The following PIGN variants were observed in gnomAD, a reference collection of about 807,000 sequenced individuals.
The protein encoded by PIGN is phosphatidylinositol glycan anchor biosynthesis class N.
PIGN carries 117 observed loss-of-function variants against 125.4 expected under a neutral mutation model. The ratio of observed to expected loss-of-function variants is 0.93; its 90% CI spans 0.80 to 1.09. PIGN has a LOEUF of 1.09. Ranked by LOEUF, PIGN falls within the 50% of genes least tolerant of loss-of-function variation. The probability of loss-of-function intolerance (pLI) is 0.00; values close to 1 mark genes in which losing one functional copy is unlikely to be tolerated. For synonymous variants in PIGN, 392 were observed against 377.8 expected, an observed-to-expected ratio of 1.04 and a Z score of -0.44; for missense variants, 1,075 against 1,094.9, an observed-to-expected ratio of 0.98 and a Z score of 0.26.
In PIGN at chr18:62,148,265, A is replaced by G; in HGVS notation, c.623T>C (p.Leu208Ser). The change falls in exon 8 of 31, where the codon TTA (leucine) becomes TCA (serine). Residue 208 changes from leucine to serine, a missense_variant. By Grantham distance (145) the Leu-to-Ser change is moderately radical (BLOSUM62 -2). Coordinates refer to ENST00000640252, the MANE Select transcript of PIGN (RefSeq NM_176787.5). The stretch of plus-strand genomic sequence containing the variant: ...GTTTGTATCTATTCCTAATAAATGT[A>G]AGAAAAAAACTATTTTCTCTTCATT... ...KINEEKIVFFLHLLGIDTNGH... is the reference protein window; with the variant it reads ...KINEEKIVFFSHLLGIDTNGH... The G allele has an allele frequency of 6.5e-7, 1 of 1,538,576 alleles. No individual in the cohort carries two copies. Among genetic ancestry groups the G allele is most frequent in the Non-Finnish European group, 8.8e-7 (1 of 1,140,130 alleles).
At chr18:62,146,860 A>G (rs1343799300) in intron 9 of PIGN, 111 bp downstream of exon 9, 1 of 1,040,102 alleles carries the variant, frequency 9.6e-7, no homozygotes, top group Non-Finnish European at 1.4e-6. Context: ...TATGTGCTAG[A>G]CATTTTGTAT....
Position 62,178,600 on chromosome 18 carries a change from T to TA in PIGN, c.-236+8243dup, listed in dbSNP as rs36043989. Among the ~76,000 whole-genome samples the TA allele has an allele frequency of 1.8e-3, 246 of 139,594 alleles. 1 individual carries two copies. The highest frequency in any genetic ancestry group is 4.6e-3 in the East Asian group (22 of 4,782). The allele number at this position is 139,594 out of a possible 152,430, so 91.6% of individuals were successfully genotyped here. On this transcript the variant is annotated intron_variant, in intron 1 of 30. Transcript: ENST00000640252. Reference sequence around the variant, plus strand: ...GCCTGGGAACATAGCAAGACCCACTTAAAAAAAAAAAAAGAAGAAGAGGAA... The same window carrying TA: ...GCCTGGGAACATAGCAAGACCCACTTAAAAAAAAAAAAAAGAAGAAGAGGAA...
At chr18:62,074,288 C>T (rs532352347) in intron 29 of PIGN, among the ~76,000 whole-genome samples, 2 of 152,250 alleles carry the variant, frequency 1.3e-5, no homozygotes, top group East Asian at 3.9e-4. Flanking sequence ...AAAATAGGTT[C>T]CTCTTTTTGT....
intron 30 of PIGN, among the ~76,000 whole-genome samples, chr18:62,068,113 T>TGTTC (rs1217433275): frequency 6.6e-6 from 1 of 152,116 alleles, no homozygotes; most frequent in East Asian, 1.9e-4. Flanking sequence ...TTTGTTTGTT[T>TGTTC]GTTTTTTTGT....
chr18:62,157,278 C>T, intron 5 of PIGN, 51 bp from the exon 6 acceptor site: 1 of 892,354 alleles, frequency 1.1e-6, no homozygotes. Flanking sequence ...GTACAATAAG[C>T]CCCTAAAGAA....
intron 23 of PIGN, among the ~76,000 whole-genome samples, chr18:62,093,904 T>C (rs2034070497): frequency 6.6e-6 from 1 of 152,124 alleles, no homozygotes; most frequent in Admixed American, 6.6e-5. Flanking sequence ...ACTGTGCTAT[T>C]TCAAGATACT....
intron 30 of PIGN, among the ~76,000 whole-genome samples, chr18:62,068,332 C>G (rs2032646198): frequency 6.6e-6 from 1 of 152,184 alleles, no homozygotes; most frequent in South Asian, 2.1e-4. Flanking sequence ...CCTCCTTTCC[C>G]TTTGCCATAC....
chr18:62,035,423 A>G (rs2030246225), intron 23 of PIGN, among the ~76,000 whole-genome samples: 1 of 152,228 alleles, frequency 6.6e-6, no homozygotes, highest in African/African-American at 2.4e-5. Flanking sequence ...ACTCAATATC[A>G]TAATGTTTAA....
At chr18:62,068,413 A>G (rs1024228424) in intron 30 of PIGN, among the ~76,000 whole-genome samples, 5 of 151,966 alleles carry the variant, frequency 3.3e-5, no homozygotes, top group African/African-American at 1.2e-4. Flanking sequence ...TTGAACTCAA[A>G]TTTGCTGATA....
intron 23 of PIGN, among the ~76,000 whole-genome samples, chr18:62,090,838 T>C (rs924669402): frequency 6.6e-6 from 1 of 151,894 alleles, no homozygotes; most frequent in African/African-American, 2.4e-5. Context: ...ATAAAGCAAA[T>C]GACAGATATA....
At chr18:62,160,012 C>T (rs888465078) in intron 4 of PIGN, among the ~76,000 whole-genome samples, 1 of 152,108 alleles carries the variant, frequency 6.6e-6, no homozygotes. Context: ...ACTCGGGAGG[C>T]TGAGGCAGGA....
At position 62,147,032 on chromosome 18, in the gene PIGN, G is replaced by A. The variant is rs199643144; in HGVS notation, c.744C>T (p.Phe248=). ...VKEIVSMFNH[F]YGNDGKTTFI... is the part of the protein sequence containing the mutation. ...ATGTTGTTTTCCCATCATTTCCATA[G>A]AAGTGGTTAAACATAGACACGATTT... Residue 248 remains phenylalanine, a synonymous_variant, in exon 9 of 31, where the codon TTC becomes TTT. Transcript: ENST00000640252. The A allele has an allele frequency of 1.4e-5, 23 of 1,611,662 alleles. 1 individual carries two copies. In the Middle Eastern group the frequency reaches 4.9e-4, roughly 35 times the overall value.
At chr18:62,163,972 G>A (rs1333955935) in intron 1 of PIGN, among the ~76,000 whole-genome samples, 2 of 152,128 alleles carry the variant, frequency 1.3e-5, no homozygotes, top group African/African-American at 2.4e-5. Context: ...TTAGCATAAT[G>A]TCCTCAAGTT....
intron 14 of PIGN, among the ~76,000 whole-genome samples, chr18:62,121,057 A>G (rs1192855984): frequency 6.6e-6 from 1 of 152,210 alleles, no homozygotes; most frequent in Non-Finnish European, 1.5e-5. Context: ...TTATACTAAT[A>G]TAAGTCCAGG....
intron 1 of PIGN, among the ~76,000 whole-genome samples, chr18:62,171,404 G>C (rs187215078): frequency 1.3e-5 from 2 of 152,160 alleles, no homozygotes; most frequent in Admixed American, 1.3e-4. Context: ...AGATAATTAG[G>C]TTATCTATGA....
chr18:62,076,996 A>C (rs900206131), intron 28 of PIGN, among the ~76,000 whole-genome samples: 12 of 152,200 alleles, frequency 7.9e-5, no homozygotes, highest in African/African-American at 2.9e-4. Context: ...ATTACTGCAG[A>C]GTTCTTTCTT....
Position 62,143,335 on chromosome 18 carries a change from C to G in PIGN, c.934G>C (p.Glu312Gln), listed in dbSNP as rs374942523. Residue 312 changes from glutamate (E) to glutamine (Q), a missense_variant, in exon 11 of 31, where the codon GAG (glutamate) becomes CAG (glutamine). Around this residue, in one of 3 missense-constraint regions of PIGN, gnomAD observed 915 missense variants for 908.7 expected, o/e 1.01. Transcript: ENST00000640252. The stretch of plus-strand genomic sequence containing the variant: ...TTGACATCTAGCCTCTTCCAATTCT[C>G]CAATCTCCACTCTGAAAGATACAAT... ...DDAFLKEWRL[E>Q]NWKRLDVNQA... 3.3e-6 allele frequency: 5 copies of G among 1,518,568 alleles called. No homozygotes were observed. Among genetic ancestry groups the G allele is most frequent in the Non-Finnish European group, 4.5e-6 (5 of 1,104,872 alleles). The allele number at this position is 1,518,568 out of a possible 1,614,324, so 94.1% of individuals were successfully genotyped here. A position where few individuals can be genotyped will look rare whatever the true frequency, so the allele number is the denominator to read the frequency against.
In PIGN at chr18:62,167,707, T is replaced by C. The variant is rs559335571; in HGVS notation, c.-235-4051A>G. Among the ~76,000 whole-genome samples the C allele has an allele frequency of 4.0e-5, 6 of 151,586 alleles. No homozygotes were observed. The South Asian group carries it at 6.3e-4, about 16-fold the overall frequency. ...CTCTCTCTCTCTCTCTACATATATA[T>C]ATATATACACACACACACAATAGAA... On this transcript the variant is annotated intron_variant, in intron 1 of 30. Transcript: ENST00000640252.
At position 62,045,141 on chromosome 18, in the gene PIGN, T is replaced by C. The variant is rs975229510; in HGVS notation, c.*715A>G. 1 of 152,012 alleles carries C rather than the reference T, an allele frequency of 6.6e-6. No individual in the cohort carries two copies. Among genetic ancestry groups the C allele is most frequent in the African/African-American group, 2.4e-5 (1 of 41,384 alleles). The allele number at this position is 152,012 out of a possible 1,614,324, so 9.4% of individuals were successfully genotyped here. A position where few individuals can be genotyped will look rare whatever the true frequency, so the allele number is the denominator to read the frequency against. ...AATTAAAAACTATTTATTTTAAATG[T>C]TTTCCTATGTATAAGACAGAAATAC... On this transcript the variant is annotated 3_prime_UTR_variant, in exon 31 of 31. Transcript: ENST00000640252.
Sources: gnomAD v4.1 joint callset for allele counts (sites outside exome capture counted in the v4.1 genomes callset) on GRCh38, gnomAD v4.1.1 for gene constraint, gnomAD v4.1.1 regional missense constraint, MANE v1.5 for transcripts, NCBI Gene and HGNC (gene_info 2026-07-23, HGNC 2026-07-21) for gene names.